The following GPHN variants were observed in gnomAD, a reference collection of about 807,000 sequenced individuals.
GPHN encodes the protein gephyrin.
Under a neutral mutation model 95.5 loss-of-function variants are expected in GPHN, and 17 were observed. The ratio of observed to expected loss-of-function variants is 0.18; its 90% CI spans 0.12 to 0.27. The LOEUF (loss-of-function observed/expected upper bound fraction) is 0.27. Among genes scored for constraint, GPHN ranks in the 10% least tolerant of loss-of-function variants. GPHN has a pLI of 1.00. For synonymous variants in GPHN, 320 were observed against 322.5 expected (o/e 0.99, Z 0.08); for missense variants, 660 against 978.1 (o/e 0.67, Z 4.34).
chr14:66,935,121 G>C (rs1393370488), intron 8 of GPHN, among the ~76,000 whole-genome samples: 1 of 152,134 alleles, frequency 6.6e-6, no homozygotes, highest in Non-Finnish European at 1.5e-5. Flanking sequence ...ATCCAAATCT[G>C]AAGGTGACAA....
chr14:67,292,919 CTG>C, the GPHN span, among the ~76,000 whole-genome samples: 1 of 152,100 alleles, frequency 6.6e-6, no homozygotes, highest in African/African-American at 2.4e-5. Flanking sequence ...AGTCAGAACA[CTG>C]TTTCATGAAG....
At chr14:66,689,270 T>C (rs929531036) in intron 2 of GPHN, among the ~76,000 whole-genome samples, 3 of 152,200 alleles carry the variant, frequency 2.0e-5, no homozygotes, top group African/African-American at 7.2e-5. Context: ...TTTTATTACA[T>C]GCTTTTTCTA....
At chr14:67,694,824 G>A in the GPHN span, among the ~76,000 whole-genome samples, 1 of 152,110 alleles carries the variant, frequency 6.6e-6, no homozygotes, top group Non-Finnish European at 1.5e-5. Context: ...AGTTCTATTG[G>A]GACTAAGACC....
chr14:67,733,884 C>T, the GPHN span: 5 of 1,490,186 alleles, frequency 3.4e-6, no homozygotes, highest in South Asian at 4.5e-5. Context: ...AGGCCCAATC[C>T]ATGCCATAAT....
At chr14:66,620,080 G>A (rs143496292) in intron 1 of GPHN, among the ~76,000 whole-genome samples, 450 of 152,220 alleles carry the variant, frequency 3.0e-3, no homozygotes, top group African/African-American at 0.011. Context: ...AATGTTTAGA[G>A]GTTAGGCAGA....
At chr14:66,892,756 G>A (rs558810442) in intron 5 of GPHN, among the ~76,000 whole-genome samples, 84 of 152,156 alleles carry the variant, frequency 5.5e-4, no homozygotes, top group Non-Finnish European at 1.1e-3. Flanking sequence ...AGTGGATAGC[G>A]AGAAGAGAAT....
At chr14:66,742,423 A>G (rs1022548400) in intron 2 of GPHN, among the ~76,000 whole-genome samples, 1 of 152,180 alleles carries the variant, frequency 6.6e-6, no homozygotes, top group Admixed American at 6.5e-5. Context: ...TTTGGAGACC[A>G]TTATATTGAA....
intron 17 of GPHN, among the ~76,000 whole-genome samples, chr14:67,141,566 T>A (rs1226349645): frequency 1.3e-5 from 2 of 152,220 alleles, no homozygotes; most frequent in Non-Finnish European, 2.9e-5. Context: ...AACCCTATTA[T>A]GGCTACTTTA....
chr14:66,709,513 A>G, intron 2 of GPHN: 1 of 420,802 alleles, frequency 2.4e-6, no homozygotes, highest in South Asian at 1.7e-5. Flanking sequence ...GGACAAAGGG[A>G]TGATTCATGT....
intron 1 of GPHN, among the ~76,000 whole-genome samples, chr14:66,593,835 G>C (rs1458446517): frequency 6.6e-6 from 1 of 152,096 alleles, no homozygotes; most frequent in Non-Finnish European, 1.5e-5. Flanking sequence ...AGTTAGGCAA[G>C]TCAAAGAAAT....
rs566256283 is a variant in GPHN at position 67,006,323 on chromosome 14, G to T, written c.964-17310G>T. On this transcript the variant is annotated intron_variant, in intron 9 of 22. Coordinates refer to ENST00000478722, the MANE Select transcript of GPHN (RefSeq NM_020806.5). ...GTCTGCCTCAGGATACCAAAAAAAG[G>T]GTCTATTTTCGAAATTTTGTTCATA... Among the ~76,000 whole-genome samples, 352 of 151,888 alleles carry T rather than the reference G, an allele frequency of 2.3e-3. 1 individual carries two copies. Among genetic ancestry groups the T allele is most frequent in the Non-Finnish European group, 4.0e-3 (269 of 67,938 alleles).
the GPHN span, among the ~76,000 whole-genome samples, chr14:67,623,858 TGA>T: frequency 2.6e-4 from 40 of 152,238 alleles, no homozygotes; most frequent in Middle Eastern, 6.8e-3. Flanking sequence ...TATTTTTCTT[TGA>T]GAGAGGGTCT....
At chr14:66,901,492 C>G (rs1157487411) in intron 5 of GPHN, among the ~76,000 whole-genome samples, 1 of 151,944 alleles carries the variant, frequency 6.6e-6, no homozygotes, top group Non-Finnish European at 1.5e-5. Context: ...GTGTTTTCTT[C>G]TAGTAGTTTC....
At chr14:67,244,023 C>T in the GPHN span, among the ~76,000 whole-genome samples, 1 of 152,214 alleles carries the variant, frequency 6.6e-6, no homozygotes. Context: ...ATTCAGTGCT[C>T]TTCTCAGGAT....
Position 67,023,555 on chromosome 14 carries a change from G to A in GPHN, c.964-78G>A. 1.3e-5 allele frequency: 14 copies of A among 1,060,756 alleles called. 1 individual carries two copies. In the South Asian group the frequency reaches 1.4e-4, roughly 10 times the overall value. 65.7% of individuals were successfully genotyped at this position (1,060,756 alleles called of 1,614,324 possible). A position where few individuals can be genotyped will look rare whatever the true frequency, so the allele number is the denominator to read the frequency against. ...TAAAGCCTTTGCTCCTAGACCTCAG[G>A]AGCTTGCCCATTAAATATGCATATC... is the stretch of plus-strand genomic sequence containing the variant. On this transcript the variant is annotated intron_variant, in intron 9 of 22. Transcript: ENST00000478722.
At chr14:67,309,718 T>C in the GPHN span, among the ~76,000 whole-genome samples, 11 of 152,314 alleles carry the variant, frequency 7.2e-5, no homozygotes, top group East Asian at 2.1e-3. Flanking sequence ...CTAAGATTGC[T>C]GTACCTAATA....
the GPHN span, chr14:67,196,784 C>T: frequency 1.3e-5 from 2 of 152,416 alleles, no homozygotes; most frequent in South Asian, 4.1e-4. Flanking sequence ...AACAGCTCAG[C>T]TCAGACATAG....
At chr14:66,887,126 C>T (rs372830894) in intron 5 of GPHN, among the ~76,000 whole-genome samples, 16 of 152,174 alleles carry the variant, frequency 1.1e-4, no homozygotes, top group African/African-American at 3.4e-4. Flanking sequence ...AGCCCTAACC[C>T]GAGGAGAAAC....
At chr14:67,326,289 A>G in the GPHN span, among the ~76,000 whole-genome samples, 2 of 112,450 alleles carry the variant, frequency 1.8e-5, no homozygotes, top group Non-Finnish European at 3.3e-5. Flanking sequence ...CACCCAGACT[A>G]GAGTGCTGTG....
Sources: allele counts gnomAD v4.1 joint callset (sites outside exome capture counted in the v4.1 genomes callset), GRCh38; gene constraint gnomAD v4.1.1; transcripts MANE v1.5; gene names NCBI Gene and HGNC (gene_info 2026-07-23, HGNC 2026-07-21).